SLC49A4: variants seen among roughly 807,000 people sequenced by gnomAD.
The protein encoded by SLC49A4 is disrupted in renal cancer protein 2.
SLC49A4 carries 36 observed loss-of-function variants against 50.6 expected under a neutral mutation model. The ratio of observed to expected loss-of-function variants is 0.71; its 90% CI spans 0.55 to 0.94. The LOEUF (loss-of-function observed/expected upper bound fraction) is 0.94. Among genes scored for constraint, SLC49A4 ranks in the 40% least tolerant of loss-of-function variants. The probability of loss-of-function intolerance (pLI) is 0.00; values close to 1 mark genes in which losing one functional copy is unlikely to be tolerated. For synonymous variants in SLC49A4, 248 were observed against 241.2 expected (o/e 1.03, Z -0.26); for missense variants, 503 against 605.7 (o/e 0.83, Z 1.78).
At chr3:122,816,434 A>G (rs925703711) in intron 2 of SLC49A4, among the ~76,000 whole-genome samples, 4 of 152,144 alleles carry the variant, frequency 2.6e-5, no homozygotes, top group Non-Finnish European at 2.9e-5. Flanking sequence ...AGGTCATCAC[A>G]AGCAGTGGTA....
At chr3:122,862,472 C>G (rs1196172946) in intron 7 of SLC49A4, among the ~76,000 whole-genome samples, 1 of 152,154 alleles carries the variant, frequency 6.6e-6, no homozygotes, top group African/African-American at 2.4e-5. Context: ...AACTGGCATC[C>G]TACATTGGAG....
intron 4 of SLC49A4, among the ~76,000 whole-genome samples, chr3:122,833,785 ATG>A (rs903665214): frequency 2.0e-5 from 3 of 152,064 alleles, no homozygotes; most frequent in Non-Finnish European, 4.4e-5. Context: ...CATGAATTCT[ATG>A]TGTTATACTT....
intron 8 of SLC49A4, among the ~76,000 whole-genome samples, chr3:122,874,068 G>A (rs546108777): frequency 6.6e-6 from 1 of 152,276 alleles, no homozygotes; most frequent in South Asian, 2.1e-4. Flanking sequence ...AACAGCAGGT[G>A]CCAGATAATG....
intron 7 of SLC49A4, among the ~76,000 whole-genome samples, chr3:122,867,823 T>G (rs1301504189): frequency 6.8e-6 from 1 of 147,856 alleles, no homozygotes; most frequent in African/African-American, 2.5e-5. Context: ...CTAGTAAGAA[T>G]ACAAAAAATT....
intron 2 of SLC49A4, among the ~76,000 whole-genome samples, chr3:122,824,344 G>T (rs556619227): frequency 1.3e-5 from 2 of 152,086 alleles, no homozygotes; most frequent in African/African-American, 4.8e-5. Flanking sequence ...GTACTGTATC[G>T]TAGTGAGAAA....
rs954572926 is a variant in SLC49A4, at chr3:122,879,462, G to A, written c.*84G>A. ...TTTGCTCAGAATTGCACATCTAACA[G>A]GAAAAGAGGGAGAAGAAAGAAACTT... On this transcript the variant is annotated 3_prime_UTR_variant, in exon 9 of 9. Coordinates refer to ENST00000261038, the MANE Select transcript of SLC49A4 (RefSeq NM_032839.3). 3 of 970,582 alleles carry A rather than the reference G, an allele frequency of 3.1e-6. No homozygotes were observed. The highest frequency in any genetic ancestry group is 3.4e-5 in the African/African-American group (2 of 59,696). 60.1% of individuals were successfully genotyped at this position (970,582 alleles called of 1,614,324 possible).
intron 2 of SLC49A4, among the ~76,000 whole-genome samples, chr3:122,811,051 A>G (rs1006420981): frequency 6.6e-6 from 1 of 152,246 alleles, no homozygotes; most frequent in Non-Finnish European, 1.5e-5. Context: ...CCCAGAAGCC[A>G]TAAAAGAAAG....
chr3:122,818,654 G>A (rs1474018898), intron 2 of SLC49A4, among the ~76,000 whole-genome samples: 1 of 152,136 alleles, frequency 6.6e-6, no homozygotes, highest in Non-Finnish European at 1.5e-5. Context: ...TAAAAATCTT[G>A]TGAGAGAAAC....
At chr3:122,834,781 A>T (rs1391933574) in intron 4 of SLC49A4, among the ~76,000 whole-genome samples, 1 of 152,116 alleles carries the variant, frequency 6.6e-6, no homozygotes, top group Non-Finnish European at 1.5e-5. Context: ...TGGCTATTTG[A>T]AAAGATAAAC....
chr3:122,811,479 T>C lies in SLC49A4; in HGVS notation c.437+4529T>C, dbSNP rs72968335. ...CAGGCACTGCTGATGTGTGAGCAGT[T>C]TGGGGCATCATCCTATTTGGAGGGC... is the stretch of plus-strand genomic sequence containing the variant. On this transcript the variant is annotated intron_variant, in intron 2 of 8. Coordinates refer to ENST00000261038, the MANE Select transcript of SLC49A4 (RefSeq NM_032839.3). Among the ~76,000 whole-genome samples the C allele has an allele frequency of 8.4e-3, 1,281 of 152,330 alleles. 13 individuals carry two copies. Among genetic ancestry groups the C allele is most frequent in the African/African-American group, 0.029 (1,191 of 41,570 alleles).
At chr3:122,826,299 G>T (rs1477364097) in intron 2 of SLC49A4, among the ~76,000 whole-genome samples, 1 of 152,106 alleles carries the variant, frequency 6.6e-6, no homozygotes, top group Admixed American at 6.5e-5. Context: ...CAACTATAAG[G>T]CTGGTGGCAC....
intron 4 of SLC49A4, 91 bp downstream of exon 4, chr3:122,833,537 C>T (rs1272308827): frequency 8.0e-7 from 1 of 1,250,142 alleles, no homozygotes; most frequent in Non-Finnish European, 1.1e-6. Flanking sequence ...AGTAATTTTT[C>T]AGCAACCTAT....
chr3:122,805,648 T>G (rs1005501844), intron 1 of SLC49A4, among the ~76,000 whole-genome samples: 1 of 152,242 alleles, frequency 6.6e-6, no homozygotes, highest in African/African-American at 2.4e-5. Flanking sequence ...GAACCACCTG[T>G]GTGATGTGGC....
intron 7 of SLC49A4, among the ~76,000 whole-genome samples, chr3:122,862,387 A>G (rs1049070721): frequency 5.3e-5 from 8 of 152,194 alleles, no homozygotes; most frequent in African/African-American, 1.2e-4. Context: ...CTCTGTACAC[A>G]TGCTTTGCCT....
In SLC49A4 at chr3:122,799,128, G is replaced by A. The variant is rs559231823; in HGVS notation, c.343+3593G>A. Among the ~76,000 whole-genome samples the A allele has an allele frequency of 2.6e-5, 4 of 152,260 alleles. No individual in the cohort carries two copies. The East Asian group carries it at 7.7e-4, about 29-fold the overall frequency. On this transcript the variant is annotated intron_variant, in intron 1 of 8. Transcript: ENST00000261038. ...GAGATAGCAACCCAGTGTGTTCCACGCACTGGGGACATGGCCCTCACAGAC... is the reference window on the plus strand; with the variant it reads ...GAGATAGCAACCCAGTGTGTTCCACACACTGGGGACATGGCCCTCACAGAC...
At chr3:122,853,629 A>G (rs1936951352) in intron 5 of SLC49A4, among the ~76,000 whole-genome samples, 1 of 152,090 alleles carries the variant, frequency 6.6e-6, no homozygotes, top group South Asian at 2.1e-4. Flanking sequence ...GCGCGGTAGC[A>G]CACGCCTGTA....
At chr3:122,845,208 C>T (rs543045421) in intron 4 of SLC49A4, among the ~76,000 whole-genome samples, 1 of 152,238 alleles carries the variant, frequency 6.6e-6, no homozygotes, top group East Asian at 1.9e-4. Context: ...TAAGTGAGAA[C>T]ATGTGGTATT....
chr3:122,796,950 T>G (rs1219247524), intron 1 of SLC49A4, among the ~76,000 whole-genome samples: 2 of 152,068 alleles, frequency 1.3e-5, no homozygotes, highest in Non-Finnish European at 2.9e-5. Context: ...AAAAGTCAAG[T>G]GTAGGTAGGT....
chr3:122,858,870 A>G (rs1197121967), intron 6 of SLC49A4, among the ~76,000 whole-genome samples: 2 of 152,182 alleles, frequency 1.3e-5, no homozygotes, highest in Non-Finnish European at 2.9e-5. Context: ...GGCAAGTGGA[A>G]AATTTTTTTG....
Sources: allele counts gnomAD v4.1 joint callset (sites outside exome capture counted in the v4.1 genomes callset), GRCh38; gene constraint gnomAD v4.1.1; transcripts MANE v1.5; gene names NCBI Gene and HGNC (gene_info 2026-07-23, HGNC 2026-07-21).